Variants in DHRS4L2 observed in about 807,000 individuals in gnomAD.
The protein encoded by DHRS4L2 is dehydrogenase/reductase 4 like 2, also known as dehydrogenase/reductase SDR family member 4-like 2.
A neutral mutation model predicts 23.9 loss-of-function variants in DHRS4L2; 22 were observed. That is an observed-to-expected ratio of 0.92 (90% confidence interval 0.66 to 1.31). The LOEUF is 1.31. Ranked by LOEUF, DHRS4L2 falls within the 40% of genes most tolerant of loss-of-function variation. DHRS4L2 has a pLI of 0.00. For missense variants in DHRS4L2, 385 were observed against 303.3 expected (o/e 1.27, Z -2.00); for synonymous variants, 141 against 123.7 (o/e 1.14, Z -0.93).
chr14:23,970,722 C>T (rs139468999), intron 1 of DHRS4L2, among the ~76,000 whole-genome samples: 7 of 152,118 alleles, frequency 4.6e-5, no homozygotes, highest in East Asian at 3.9e-4. Context: ...CCAGTAGGGG[C>T]GGAGAGACAC....
rs915803268 is a variant in DHRS4L2, at chr14:23,990,096, C to A, written c.129-86C>A. 1.1e-4 allele frequency: 172 copies of A among 1,566,560 alleles called. 3 individuals carry two copies. Among genetic ancestry groups the A allele is most frequent in the Non-Finnish European group, 8.5e-5 (98 of 1,157,360 alleles). On this transcript the variant is annotated intron_variant, in intron 1 of 7. Coordinates refer to ENST00000335125, the MANE Select transcript of DHRS4L2 (RefSeq NM_198083.4). The stretch of plus-strand genomic sequence containing the variant: ...TATAGAGAAAGAGCCAGAATTCAAA[C>A]CCGGGCAGTCTTAACTTCAGAGCCC...
At chr14:23,982,161 C>A (rs970109346) in intron 1 of DHRS4L2, among the ~76,000 whole-genome samples, 1 of 151,654 alleles carries the variant, frequency 6.6e-6, no homozygotes. Context: ...TGGACAGTAA[C>A]CAGCGTTGCA....
At chr14:23,981,358 C>T (rs1408887697) in intron 1 of DHRS4L2, among the ~76,000 whole-genome samples, 1 of 151,560 alleles carries the variant, frequency 6.6e-6, no homozygotes, top group Non-Finnish European at 1.5e-5. Flanking sequence ...GAATCAATAT[C>T]GTGAAAATGG....
chr14:23,974,867 G>C (rs939646131), intron 1 of DHRS4L2, among the ~76,000 whole-genome samples: 14 of 151,764 alleles, frequency 9.2e-5, no homozygotes, highest in African/African-American at 2.4e-4. Flanking sequence ...CCGATCAATA[G>C]AAAAAGAAAG....
chr14:24,004,060 G>C (rs2034522296), intron 6 of DHRS4L2, among the ~76,000 whole-genome samples: 2 of 135,362 alleles, frequency 1.5e-5, no homozygotes, highest in African/African-American at 6.4e-5. Context: ...CACGAGGTCA[G>C]GAGGTCGAGA....
At position 23,994,846 on chromosome 14, in the gene DHRS4L2, G is replaced by A. The variant is rs141554554; in HGVS notation, c.307-186G>A. Among the ~76,000 whole-genome samples, 692 of 151,760 alleles carry A rather than the reference G, an allele frequency of 4.6e-3. 38 individuals carry two copies. In the East Asian group the frequency reaches 0.096, roughly 21 times the overall value. Reference sequence around the variant, plus strand: ...GTTTTTAATATAAAGATAAGGTCTCGCTGCATGGCCCAGGCTTCTCTCAAA... The same window carrying A: ...GTTTTTAATATAAAGATAAGGTCTCACTGCATGGCCCAGGCTTCTCTCAAA... On this transcript the variant is annotated intron_variant, in intron 2 of 7. Transcript: ENST00000335125.
chr14:23,985,822 C>T (rs56003524), upstream of DHRS4L2, among the ~76,000 whole-genome samples: 6,530 of 151,210 alleles, frequency 0.043, 312 homozygotes, highest in African/African-American at 0.1. Context: ...TCAAGCAATT[C>T]TCCTGCCTCA....
chr14:23,993,780 A>C (rs2034317957), intron 2 of DHRS4L2, among the ~76,000 whole-genome samples: 1 of 151,656 alleles, frequency 6.6e-6, no homozygotes, highest in Non-Finnish European at 1.5e-5. Flanking sequence ...TCATAACCAA[A>C]TATGGAATTG....
Position 23,989,017 on chromosome 14 carries a change from A to T in DHRS4L2, c.70A>T (p.Met24Leu), listed in dbSNP as rs1374435879. 6.2e-7 allele frequency: 1 copy of T among 1,608,446 alleles called. No homozygotes were observed. The highest frequency in any genetic ancestry group is 1.7e-5 in the Admixed American group (1 of 59,402). Residue 24 changes from methionine (M) to leucine (L), a missense_variant, in exon 1 of 8, where the codon ATG (methionine) becomes TTG (leucine). Coordinates refer to ENST00000335125, the MANE Select transcript of DHRS4L2 (RefSeq NM_198083.4). ...RKSVRMASSRMTRRDPLTNKV... is the reference protein window; with the variant it reads ...RKSVRMASSRLTRRDPLTNKV... ...GTCGGTGCGGATGGCCAGCTCCAGGATGACCCGCCGGGACCCGCTCACAAA... is the reference window on the plus strand; with the variant it reads ...GTCGGTGCGGATGGCCAGCTCCAGGTTGACCCGCCGGGACCCGCTCACAAA...
chr14:23,990,659 C>G, intron 2 of DHRS4L2: 1 of 1,181,492 alleles, frequency 8.5e-7, no homozygotes, highest in African/African-American at 1.6e-5. Context: ...ATGTTCCCAC[C>G]CATGAGCTAA....
intron 1 of DHRS4L2, among the ~76,000 whole-genome samples, chr14:23,972,971 C>T (rs1337910339): frequency 6.6e-6 from 1 of 151,988 alleles, no homozygotes; most frequent in East Asian, 1.9e-4. Flanking sequence ...TTGCTGCAAA[C>T]ATGTCTCGCC....
At chr14:23,988,652 T>G (rs544521231), upstream of DHRS4L2, 193 of 535,260 alleles carry the variant, frequency 3.6e-4, 1 homozygote, top group East Asian at 4.4e-3. Context: ...GCAGCCAAAG[T>G]CTGCGGGTTC....
At chr14:23,995,759 C>T (rs1488646648) in intron 3 of DHRS4L2, among the ~76,000 whole-genome samples, 5 of 151,656 alleles carry the variant, frequency 3.3e-5, no homozygotes, top group African/African-American at 7.3e-5. Flanking sequence ...TTCACACACA[C>T]CCTTTAATTA....
chr14:23,988,683 G>A, upstream of DHRS4L2: 2 of 910,518 alleles, frequency 2.2e-6, no homozygotes, highest in Non-Finnish European at 2.9e-6. Context: ...CAGGGGAGGG[G>A]CGAGCCCTAC....
chr14:23,974,420 G>C (rs1594450865), intron 1 of DHRS4L2, among the ~76,000 whole-genome samples: 1 of 151,372 alleles, frequency 6.6e-6, no homozygotes, highest in Non-Finnish European at 1.5e-5. Flanking sequence ...GAAGGTGATA[G>C]AGACATTAAA....
At chr14:23,990,040 T>C (rs1469353978) in intron 1 of DHRS4L2, 142 bp from the exon 2 acceptor site, 2 of 1,354,730 alleles carry the variant, frequency 1.5e-6, no homozygotes, top group East Asian at 2.4e-5. Flanking sequence ...ATTAAGCCTG[T>C]TTTACACATA....
At chr14:23,988,837 G>GA (rs2034202058), upstream of DHRS4L2, 55 of 1,446,182 alleles carry the variant, frequency 3.8e-5, 4 homozygotes, top group South Asian at 7.6e-4. Context: ...CCAGCTGGCC[G>GA]AGGGCGGGAA....
At chr14:23,988,729 C>G (rs1467525372), upstream of DHRS4L2, 1 of 1,333,000 alleles carries the variant, frequency 7.5e-7, no homozygotes, top group Admixed American at 3.0e-5. Flanking sequence ...GATCACTCAC[C>G]AGCCCGGGAA....
In DHRS4L2 at chr14:24,004,383, G is replaced by T; in HGVS notation, c.*13G>T. 1 of 1,603,140 alleles carries T rather than the reference G, an allele frequency of 6.2e-7. No homozygotes were observed. The highest frequency in any genetic ancestry group is 8.5e-7 in the Non-Finnish European group (1 of 1,178,036). On this transcript the variant is annotated 3_prime_UTR_variant, in exon 7 of 8. Transcript: ENST00000335125. The stretch of plus-strand genomic sequence containing the variant: ...GAGGAAAGCATGAAAGAAACCCTGC[G>T]GATAAGAAGGTAAACTGTCATGAGG...
Sources: allele counts gnomAD v4.1 joint callset (sites outside exome capture counted in the v4.1 genomes callset), GRCh38; gene constraint gnomAD v4.1.1; transcripts MANE v1.5; gene names NCBI Gene and HGNC (gene_info 2026-07-23, HGNC 2026-07-21).